HS3ST4: variants seen among roughly 807,000 people sequenced by gnomAD.
The protein encoded by HS3ST4 is heparan sulfate glucosamine 3-O-sulfotransferase 4.
A neutral mutation model predicts 29.2 loss-of-function variants in HS3ST4; 17 were observed. The ratio of observed to expected loss-of-function variants is 0.58; its 90% CI spans 0.40 to 0.87. HS3ST4 has a LOEUF of 0.87. HS3ST4 is among the 40% of genes least tolerant of loss of function. The pLI is 0.00. For missense variants in HS3ST4, 627 were observed against 634.5 expected, an observed-to-expected ratio of 0.99 and a Z score of 0.13; for synonymous variants, 314 against 285.7, an observed-to-expected ratio of 1.10 and a Z score of -1.00.
chr16:26,117,452 G>A (rs547898078), intron 1 of HS3ST4, among the ~76,000 whole-genome samples: 2 of 152,322 alleles, frequency 1.3e-5, no homozygotes, highest in South Asian at 4.1e-4. Flanking sequence ...TTGACCTTCA[G>A]TTCAAATTTA....
At chr16:26,111,158 G>A (rs369304290) in intron 1 of HS3ST4, among the ~76,000 whole-genome samples, 33 of 152,066 alleles carry the variant, frequency 2.2e-4, no homozygotes, top group African/African-American at 8.0e-4. Context: ...GACCTTCTGG[G>A]CTTAAGTGAT....
At chr16:26,033,104 T>A (rs370147868) in intron 1 of HS3ST4, among the ~76,000 whole-genome samples, 104 of 152,184 alleles carry the variant, frequency 6.8e-4, no homozygotes, top group African/African-American at 2.5e-3. Flanking sequence ...GGTGGCCGGG[T>A]GCAGTGGCTT....
intron 1 of HS3ST4, among the ~76,000 whole-genome samples, chr16:25,995,671 A>C (rs1007701272): frequency 5.9e-5 from 9 of 152,170 alleles, no homozygotes; most frequent in Admixed American, 1.3e-4. Context: ...ATGAAATCTG[A>C]GTGTGGAAGG....
intron 1 of HS3ST4, among the ~76,000 whole-genome samples, chr16:26,029,711 A>C (rs1006293086): frequency 6.6e-6 from 1 of 152,058 alleles, no homozygotes; most frequent in African/African-American, 2.4e-5. Context: ...GCGCCTGGCA[A>C]TTATGTAGTT....
chr16:26,083,218 A>C (rs1037735263), intron 1 of HS3ST4, among the ~76,000 whole-genome samples: 1 of 152,222 alleles, frequency 6.6e-6, no homozygotes, highest in Admixed American at 6.5e-5. Flanking sequence ...AGAATCTCTA[A>C]AATTGGAATG....
chr16:26,019,057 T>C (rs1200005119), intron 1 of HS3ST4, among the ~76,000 whole-genome samples: 2 of 152,174 alleles, frequency 1.3e-5, no homozygotes, highest in Non-Finnish European at 2.9e-5. Flanking sequence ...CTGAGGATTC[T>C]TCAAGCCTTC....
intron 1 of HS3ST4, among the ~76,000 whole-genome samples, chr16:26,001,267 C>T (rs553752126): frequency 1.2e-4 from 18 of 152,156 alleles, no homozygotes; most frequent in South Asian, 8.3e-4. Context: ...ACAAGTATTT[C>T]GGGGTAAAAG....
intron 1 of HS3ST4, among the ~76,000 whole-genome samples, chr16:25,828,301 CCTCTCTCTCTCTCT>C (rs1196055715): frequency 3.0e-4 from 10 of 32,898 alleles, no homozygotes; most frequent in Admixed American, 7.3e-4. Flanking sequence ...TCTTTCTTTC[CCTCTCTCTCTCTCT>C]CTCTCTCTCT....
At position 25,845,886 on chromosome 16, in the gene HS3ST4, C is replaced by T. The variant is rs553479887; in HGVS notation, c.734+152735C>T. ...CCTCTTTTTCTCTGCATTATCTATT[C>T]GGACCTTTACTCATTTTTCTATTGG... On this transcript the variant is annotated intron_variant, in intron 1 of 1. Coordinates refer to ENST00000331351, the MANE Select transcript of HS3ST4 (RefSeq NM_006040.3). Among the ~76,000 whole-genome samples the T allele has an allele frequency of 5.6e-4, 85 of 152,128 alleles. 1 individual carries two copies. In the South Asian group the frequency reaches 0.014, roughly 26 times the overall value.
chr16:25,968,374 G>A (rs1596630110), intron 1 of HS3ST4, among the ~76,000 whole-genome samples: 2 of 152,128 alleles, frequency 1.3e-5, no homozygotes, highest in South Asian at 4.1e-4. Flanking sequence ...AAACCCAACT[G>A]TCATCTTTCC....
chr16:26,032,754 C>T, intron 1 of HS3ST4: 4 of 1,119,918 alleles, frequency 3.6e-6, no homozygotes, highest in Non-Finnish European at 5.4e-6. Context: ...CTCTGTGGTT[C>T]GTCCTTCACC....
chr16:25,788,347 G>C (rs577162555), intron 1 of HS3ST4, among the ~76,000 whole-genome samples: 28 of 151,408 alleles, frequency 1.8e-4, no homozygotes, highest in Non-Finnish European at 3.8e-4. Flanking sequence ...CCTGGGAGGC[G>C]GAGGTTGCAG....
intron 1 of HS3ST4, among the ~76,000 whole-genome samples, chr16:25,835,880 A>G (rs1967351255): frequency 6.6e-6 from 1 of 152,202 alleles, no homozygotes; most frequent in Admixed American, 6.5e-5. Flanking sequence ...AGCAACAGAA[A>G]TTGACGCTGG....
At position 26,068,991 on chromosome 16, in the gene HS3ST4, G is replaced by A. The variant is rs188200351; in HGVS notation, c.735-66621G>A. Among the ~76,000 whole-genome samples the A allele has an allele frequency of 3.9e-4, 59 of 152,164 alleles. No individual in the cohort carries two copies. The East Asian group carries it at 6.2e-3, about 16-fold the overall frequency. ...GTTTGAGACGGGGTGTTGCTCTGTC[G>A]CCCAGGCTGGAGTGCAGTGACTCAG... On this transcript the variant is annotated intron_variant, in intron 1 of 1. Transcript: ENST00000331351.
At chr16:25,693,736 C>T (rs1249940377) in intron 1 of HS3ST4, among the ~76,000 whole-genome samples, 1 of 152,178 alleles carries the variant, frequency 6.6e-6, no homozygotes, top group Admixed American at 6.5e-5. Context: ...TTCCATCCCC[C>T]TTGGCTGAAT....
intron 1 of HS3ST4, among the ~76,000 whole-genome samples, chr16:26,126,648 A>G (rs1415668344): frequency 6.6e-6 from 1 of 152,178 alleles, no homozygotes; most frequent in Non-Finnish European, 1.5e-5. Flanking sequence ...CGTGGCTCTC[A>G]ACAGGGGATC....
intron 1 of HS3ST4, among the ~76,000 whole-genome samples, chr16:26,121,715 G>A (rs1001186986): frequency 3.3e-5 from 5 of 152,114 alleles, no homozygotes; most frequent in African/African-American, 9.7e-5. Flanking sequence ...CTGTAAGCAC[G>A]AGTGCCTGTG....
chr16:25,960,741 G>T (rs1336222234), intron 1 of HS3ST4, among the ~76,000 whole-genome samples: 3 of 152,202 alleles, frequency 2.0e-5, no homozygotes, highest in Non-Finnish European at 2.9e-5. Flanking sequence ...GCAAAATGTA[G>T]AGTTTCTGGG....
At position 25,693,032 on chromosome 16, in the gene HS3ST4, C is replaced by A; in HGVS notation, c.615C>A (p.Val205=). ...KKLPQALIIG[V]KKGGTRALLE... ...TGCCACAGGCGCTCATCATCGGGGT[C>A]AAGAAAGGAGGGACCCGCGCGCTGC... is the stretch of plus-strand genomic sequence containing the variant. Residue 205 remains valine (V), a synonymous_variant, in exon 1 of 2, where the codon GTC becomes GTA. Coordinates refer to ENST00000331351, the MANE Select transcript of HS3ST4 (RefSeq NM_006040.3). The A allele has an allele frequency of 1.2e-6, 2 of 1,611,414 alleles. No homozygotes were observed. Among genetic ancestry groups the A allele is most frequent in the South Asian group, 1.1e-5 (1 of 90,858 alleles).
Sources: gnomAD v4.1 joint callset for allele counts (sites outside exome capture counted in the v4.1 genomes callset) on GRCh38, gnomAD v4.1.1 for gene constraint, MANE v1.5 for transcripts, NCBI Gene and HGNC (gene_info 2026-07-23, HGNC 2026-07-21) for gene names.